The following IGF1R variants were observed in gnomAD, a reference collection of about 807,000 sequenced individuals.
The protein encoded by IGF1R is insulin like growth factor 1 receptor.
Under a neutral mutation model 144.6 loss-of-function variants are expected in IGF1R, and 44 were observed. The ratio of observed to expected loss-of-function variants is 0.30; its 90% CI spans 0.24 to 0.39. IGF1R has a LOEUF of 0.39. Ranked by LOEUF, IGF1R falls within the 10% of genes least tolerant of loss-of-function variation. The pLI, the probability that IGF1R is intolerant of heterozygous loss-of-function variation, is 1.00. For missense variants in IGF1R, 1,355 were observed against 1,833.7 expected, an observed-to-expected ratio of 0.74 and a Z score of 4.77; for synonymous variants, 795 against 722.8, an observed-to-expected ratio of 1.10 and a Z score of -1.60.
At chr15:98,717,095 A>G (rs1364582113) in intron 2 of IGF1R, among the ~76,000 whole-genome samples, 1 of 152,214 alleles carries the variant, frequency 6.6e-6, no homozygotes, top group East Asian at 1.9e-4. Context: ...CATTTTGTAC[A>G]GAACAGGATG....
At chr15:98,772,282 T>C (rs1177946687) in intron 2 of IGF1R, among the ~76,000 whole-genome samples, 1 of 152,060 alleles carries the variant, frequency 6.6e-6, no homozygotes, top group Non-Finnish European at 1.5e-5. Context: ...TTTTGATTAA[T>C]AATTTCTAGT....
intron 2 of IGF1R, among the ~76,000 whole-genome samples, chr15:98,771,227 C>T (rs776169436): frequency 6.6e-6 from 1 of 152,152 alleles, no homozygotes; most frequent in Non-Finnish European, 1.5e-5. Context: ...CTAACACATA[C>T]CCCCTGCTGC....
intron 1 of IGF1R, among the ~76,000 whole-genome samples, chr15:98,675,677 T>G (rs1342196355): frequency 6.6e-6 from 1 of 152,210 alleles, no homozygotes; most frequent in Non-Finnish European, 1.5e-5. Flanking sequence ...TCTTTTTCTT[T>G]TAATTCTTTA....
chr15:98,827,289 G>A (rs1186046605), intron 2 of IGF1R, among the ~76,000 whole-genome samples: 2 of 152,180 alleles, frequency 1.3e-5, no homozygotes, highest in South Asian at 2.1e-4. Flanking sequence ...CTTGGAATCC[G>A]AGGAGGGATT....
intron 5 of IGF1R, among the ~76,000 whole-genome samples, chr15:98,903,305 T>C (rs1348130433): frequency 6.6e-6 from 1 of 152,196 alleles, no homozygotes; most frequent in African/African-American, 2.4e-5. Context: ...GATTGTTGCC[T>C]TGAAAAGAAG....
rs752141360 is a variant in IGF1R, at chr15:98,957,406, G to A, written c.4068G>A (p.Glu1356=). The A allele has an allele frequency of 5.0e-6, 8 of 1,613,290 alleles. No individual in the cohort carries two copies. The highest frequency in any genetic ancestry group is 5.9e-6 in the Non-Finnish European group (7 of 1,180,046). ...ACATGAACGGGGGCCGCAAGAACGA[G>A]CGGGCCTTGCCGCTGCCCCAGTCTT... ...YAHMNGGRKN[E]RALPLPQSST... is the part of the protein sequence containing the mutation. Residue 1356 remains glutamate, a synonymous_variant, in exon 21 of 21, where the codon GAG becomes GAA. Coordinates refer to ENST00000650285, the MANE Select transcript of IGF1R (RefSeq NM_000875.5).
Position 98,960,899 on chromosome 15 carries a change from C to T in IGF1R, c.*3457C>T, listed in dbSNP as rs527950951. On this transcript the variant is annotated 3_prime_UTR_variant, in exon 21 of 21. Transcript: ENST00000650285. ...CAGTGGCCGGCGCCGAGGCTCGTGG[C>T]GTCACGCCCCCCCCGCCAGGGCTGT... 10 of 233,308 alleles carry T rather than the reference C, an allele frequency of 4.3e-5. No individual in the cohort carries two copies. The highest frequency in any genetic ancestry group is 1.7e-4 in the Admixed American group (3 of 17,728). The allele number at this position is 233,308 out of a possible 1,614,324, so 14.5% of individuals were successfully genotyped here. A position where few individuals can be genotyped will look rare whatever the true frequency, so the allele number is the denominator to read the frequency against.
chr15:98,915,822 T>A, intron 8 of IGF1R, 142 bp from the exon 9 acceptor site: 1 of 802,068 alleles, frequency 1.2e-6, no homozygotes, highest in East Asian at 2.4e-5. Context: ...TAAGGTTCAC[T>A]TTTCACTTTG....
At chr15:98,838,668 T>C (rs1205317744) in intron 2 of IGF1R, among the ~76,000 whole-genome samples, 1 of 152,140 alleles carries the variant, frequency 6.6e-6, no homozygotes, top group African/African-American at 2.4e-5. Flanking sequence ...GCCCCACTCA[T>C]CTTGATTTAT....
chr15:98,674,941 A>G (rs1409854442), intron 1 of IGF1R, among the ~76,000 whole-genome samples: 1 of 151,220 alleles, frequency 6.6e-6, no homozygotes, highest in Non-Finnish European at 1.5e-5. Flanking sequence ...TTAAAATTAA[A>G]ATTATTCTAT....
intron 5 of IGF1R, chr15:98,900,814 T>C (rs74646031): frequency 6.8e-6 from 1 of 147,138 alleles, no homozygotes; most frequent in Non-Finnish European, 1.5e-5. Flanking sequence ...TTTTCTCCGC[T>C]TTTTTTTTTT....
At chr15:98,689,535 T>C (rs938318180) in intron 1 of IGF1R, among the ~76,000 whole-genome samples, 16 of 130,898 alleles carry the variant, frequency 1.2e-4, no homozygotes, top group African/African-American at 5.1e-4. Flanking sequence ...CCAGTTGCAC[T>C]ACATTTTTTT....
At chr15:98,706,130 C>G (rs1400535231) in intron 1 of IGF1R, among the ~76,000 whole-genome samples, 1 of 152,224 alleles carries the variant, frequency 6.6e-6, no homozygotes, top group African/African-American at 2.4e-5. Context: ...TGTGTGCACA[C>G]CACTGACCAC....
rs71149408 is a variant in IGF1R, at chr15:98,674,977, A to ATTTTTTTTTTTTTTTTTTTTTTTTTTTT, written c.94+25326_94+25327insTTTTTTTTTTTTTTTTTTTTTTTTTTTT. Among the ~76,000 whole-genome samples the ATTTTTTTTTTTTTTTTTTTTTTTTTTTT allele has an allele frequency of 6.1e-5, 6 of 98,906 alleles. 1 individual carries two copies. The highest frequency in any genetic ancestry group is 2.5e-4 in the African/African-American group (6 of 23,982). 64.9% of individuals were successfully genotyped at this position (98,906 alleles called of 152,430 possible). Reference sequence around the variant, plus strand: ...AAATGCTAAATTTAGGTATTTTACAATTTTTTTTTTTTTTTTTTTTTTTTG... The same window carrying ATTTTTTTTTTTTTTTTTTTTTTTTTTTT: ...AAATGCTAAATTTAGGTATTTTACAATTTTTTTTTTTTTTTTTTTTTTTTTTTTTTTTTTTTTTTTTTTTTTTTTTTTG... On this transcript the variant is annotated intron_variant, in intron 1 of 20. Coordinates refer to ENST00000650285, the MANE Select transcript of IGF1R (RefSeq NM_000875.5).
intron 2 of IGF1R, among the ~76,000 whole-genome samples, chr15:98,817,299 C>T (rs1034665987): frequency 4.9e-5 from 5 of 101,148 alleles, no homozygotes; most frequent in African/African-American, 1.4e-4. Context: ...GAGAATCTGT[C>T]TCAAAAATAA....
chr15:98,717,477 A>G (rs1056133880), intron 2 of IGF1R, among the ~76,000 whole-genome samples: 5 of 152,302 alleles, frequency 3.3e-5, no homozygotes, highest in African/African-American at 1.2e-4. Context: ...TAGAATTTCA[A>G]TTATTGTAAA....
intron 3 of IGF1R, 144 bp from the exon 4 acceptor site, chr15:98,896,613 T>C: frequency 2.5e-6 from 2 of 814,988 alleles, no homozygotes; most frequent in Non-Finnish European, 3.9e-6. Context: ...TGAGATACCA[T>C]GTGACCACAT....
intron 7 of IGF1R, among the ~76,000 whole-genome samples, chr15:98,911,815 C>G (rs560249535): frequency 2.6e-5 from 4 of 152,322 alleles, no homozygotes; most frequent in African/African-American, 9.6e-5. Flanking sequence ...TCCTTACCTA[C>G]TAGGCCTACT....
At chr15:98,881,045 T>C (rs2013345759) in intron 2 of IGF1R, among the ~76,000 whole-genome samples, 1 of 151,942 alleles carries the variant, frequency 6.6e-6, no homozygotes, top group Non-Finnish European at 1.5e-5. Context: ...TGCACACTTC[T>C]GCAGAGAAAA....
Sources: allele counts gnomAD v4.1 joint callset (sites outside exome capture counted in the v4.1 genomes callset), GRCh38; gene constraint gnomAD v4.1.1; transcripts MANE v1.5; gene names NCBI Gene and HGNC (gene_info 2026-07-23, HGNC 2026-07-21).